The following XPNPEP1 variants were observed in gnomAD, a reference collection of about 807,000 sequenced individuals.
The protein encoded by XPNPEP1 is X-prolyl aminopeptidase 1, also known as xaa-Pro aminopeptidase 1.
A neutral mutation model predicts 92.4 loss-of-function variants in XPNPEP1; 39 were observed. The ratio of observed to expected loss-of-function variants is 0.42; its 90% CI spans 0.33 to 0.55. The LOEUF (loss-of-function observed/expected upper bound fraction) is 0.55. XPNPEP1 is among the 20% of genes least tolerant of loss of function. The pLI is 0.08. For missense variants in XPNPEP1, 654 were observed against 856.1 expected (o/e 0.76, Z 2.95); for synonymous variants, 307 against 299.4 (o/e 1.03, Z -0.26).
chr10:109,868,369 C>A (rs142275488), intron 20 of XPNPEP1, among the ~76,000 whole-genome samples: 1 of 151,642 alleles, frequency 6.6e-6, no homozygotes, highest in East Asian at 1.9e-4. Flanking sequence ...ACAAACCCTA[C>A]AGCCCCAGAA....
chr10:109,880,805 C>T, intron 11 of XPNPEP1, 37 bp downstream of exon 11: 1 of 1,605,598 alleles, frequency 6.2e-7, no homozygotes, highest in Non-Finnish European at 8.5e-7. Flanking sequence ...TTCTGACCAC[C>T]TCACATCCCA....
At chr10:109,876,747 G>A (rs915984142) in intron 14 of XPNPEP1, 1 of 152,236 alleles carries the variant, frequency 6.6e-6, no homozygotes, top group Non-Finnish European at 1.5e-5. Context: ...TTTGTTGGCT[G>A]TGCATGTAAC....
intron 16 of XPNPEP1, 30 bp from the exon 17 acceptor site, chr10:109,871,891 G>A: frequency 1.2e-6 from 2 of 1,607,918 alleles, no homozygotes; most frequent in Non-Finnish European, 1.7e-6. Flanking sequence ...GCATGTTGCA[G>A]AATGGGGACA....
intron 1 of XPNPEP1, among the ~76,000 whole-genome samples, chr10:109,918,089 G>A (rs925788916): frequency 6.6e-6 from 1 of 151,772 alleles, no homozygotes; most frequent in Non-Finnish European, 1.5e-5. Flanking sequence ...ACTCCAGCTT[G>A]GGTTACAGAG....
chr10:109,908,775 T>A (rs1017220975), intron 2 of XPNPEP1, among the ~76,000 whole-genome samples: 2 of 152,252 alleles, frequency 1.3e-5, no homozygotes, highest in African/African-American at 4.8e-5. Context: ...TCTTCTTGTA[T>A]TTTTCTGCTT....
intron 2 of XPNPEP1, among the ~76,000 whole-genome samples, chr10:109,909,345 G>A (rs1052759991): frequency 6.6e-6 from 1 of 152,140 alleles, no homozygotes. Flanking sequence ...AAGGCTCCAG[G>A]GGAGTCTACC....
chr10:109,887,714 A>C (rs1485292127), intron 7 of XPNPEP1, among the ~76,000 whole-genome samples: 2 of 152,240 alleles, frequency 1.3e-5, no homozygotes, highest in Non-Finnish European at 2.9e-5. Flanking sequence ...AATGGAACCT[A>C]GAAACCTCTA....
chr10:109,869,018 T>TA (rs1486208444), intron 19 of XPNPEP1, among the ~76,000 whole-genome samples: 1 of 152,030 alleles, frequency 6.6e-6, no homozygotes, highest in Non-Finnish European at 1.5e-5. Flanking sequence ...GATATGGGGG[T>TA]ATCTGGGCTT....
intron 17 of XPNPEP1, 70 bp from the exon 18 acceptor site, chr10:109,870,974 C>A: frequency 6.6e-7 from 1 of 1,518,140 alleles, no homozygotes; most frequent in South Asian, 1.3e-5. Flanking sequence ...TTATGTGTGG[C>A]TCCAGAACGT....
intron 3 of XPNPEP1, among the ~76,000 whole-genome samples, chr10:109,899,900 G>A (rs963132524): frequency 1.1e-4 from 17 of 152,238 alleles, no homozygotes; most frequent in African/African-American, 4.1e-4. Flanking sequence ...CCTGCTTTGA[G>A]GCAAGTGGTG....
intron 10 of XPNPEP1, among the ~76,000 whole-genome samples, 170 bp from the exon 11 acceptor site, chr10:109,881,101 T>C (rs553974531): frequency 6.6e-6 from 1 of 152,308 alleles, no homozygotes; most frequent in South Asian, 2.1e-4. Flanking sequence ...TCCCTTTTGA[T>C]TGATGACCCT....
chr10:109,875,621 T>G (rs1847742980), intron 14 of XPNPEP1, 22 bp from the exon 15 acceptor site: 2 of 1,607,758 alleles, frequency 1.2e-6, no homozygotes, highest in Admixed American at 3.3e-5. Context: ...AATTAAAAAT[T>G]AATTATTCCA....
chr10:109,873,179 T>A (rs3740140), intron 16 of XPNPEP1, among the ~76,000 whole-genome samples, 188 bp downstream of exon 16: 2 of 152,090 alleles, frequency 1.3e-5, no homozygotes, highest in African/African-American at 4.8e-5. Flanking sequence ...TAAAAATTTC[T>A]CCAAATGTCT....
At chr10:109,882,984 C>A (rs1848188878) in intron 9 of XPNPEP1, among the ~76,000 whole-genome samples, 1 of 152,224 alleles carries the variant, frequency 6.6e-6, no homozygotes, top group African/African-American at 2.4e-5. Context: ...GTCCCACCAT[C>A]TCTCACTTGG....
chr10:109,910,505 T>C (rs978592783), intron 2 of XPNPEP1, among the ~76,000 whole-genome samples: 3 of 151,402 alleles, frequency 2.0e-5, no homozygotes, highest in Non-Finnish European at 4.4e-5. Flanking sequence ...GATCACACCA[T>C]TGCACTCCAG....
At chr10:109,912,141 C>T (rs1849912653) in intron 2 of XPNPEP1, among the ~76,000 whole-genome samples, 1 of 152,148 alleles carries the variant, frequency 6.6e-6, no homozygotes. Context: ...CAGACCCCCA[C>T]AGAATCATCA....
At position 109,896,751 on chromosome 10, in the gene XPNPEP1, A is replaced by C. The variant is rs550867174; in HGVS notation, c.247-3676T>G. On this transcript the variant is annotated intron_variant, in intron 3 of 20. Coordinates refer to ENST00000502935, the MANE Select transcript of XPNPEP1 (RefSeq NM_020383.4). The stretch of plus-strand genomic sequence containing the variant: ...AATGAACAAGCAGAAAGAGACATGA[A>C]GCTTTTCCCTACATCCAGTTAAAAC... 1.5e-4 allele frequency among the ~76,000 whole-genome samples: 23 copies of C among 152,146 alleles called. No homozygotes were observed. In the South Asian group the frequency reaches 4.6e-3, roughly 30 times the overall value.
intron 8 of XPNPEP1, among the ~76,000 whole-genome samples, chr10:109,885,403 C>A (rs1055220967): frequency 6.6e-6 from 1 of 151,798 alleles, no homozygotes; most frequent in African/African-American, 2.4e-5. Context: ...CTTCTTTTTA[C>A]TTCCTCTGCA....
intron 8 of XPNPEP1, 142 bp from the exon 9 acceptor site, chr10:109,884,290 G>C: frequency 1.3e-6 from 1 of 743,954 alleles, no homozygotes; most frequent in South Asian, 1.9e-5. Context: ...CTGGAAGCCT[G>C]ACTCCCGTCT....
Sources: allele counts gnomAD v4.1 joint callset (sites outside exome capture counted in the v4.1 genomes callset), GRCh38; gene constraint gnomAD v4.1.1; transcripts MANE v1.5; gene names NCBI Gene and HGNC (gene_info 2026-07-23, HGNC 2026-07-21).